ASAH1: variants seen among roughly 807,000 people sequenced by gnomAD.
ASAH1 encodes acid ceramidase.
Under a neutral mutation model 59.5 loss-of-function variants are expected in ASAH1, and 70 were observed. That is an observed-to-expected ratio of 1.18 (90% CI 0.97 to 1.43). The LOEUF (loss-of-function observed/expected upper bound fraction) is 1.43, where lower values mean the gene tolerates loss of function less well. Ranked by LOEUF, ASAH1 falls within the 40% of genes most tolerant of loss-of-function variation. The probability of loss-of-function intolerance (pLI) is 0.00; values close to 1 mark genes in which losing one functional copy is unlikely to be tolerated. For missense variants in ASAH1, 660 were observed against 482.5 expected (o/e 1.37, Z -3.45); for synonymous variants, 213 against 166.5 (o/e 1.28, Z -2.15).
Position 18,061,396 on chromosome 8 carries a change from C to T in ASAH1, c.766G>A (p.Val256Ile), listed in dbSNP as rs1799692820. 4 of 1,612,440 alleles carry T rather than the reference C, an allele frequency of 2.5e-6. No homozygotes were observed. The highest frequency in any genetic ancestry group is 3.4e-6 in the Non-Finnish European group (4 of 1,178,386). The change falls in exon 10 of 14, where the codon GTT becomes ATT. Residue 256 changes from valine to isoleucine, a missense_variant. Coordinates refer to ENST00000637790, the MANE Select transcript of ASAH1 (RefSeq NM_177924.5). ...CTTTACCTTGTGCTATTTTCCAGAA[C>T]TGTTCTAGTGAGGAACCCTATCCAC... ...VMWIGFLTRT[V>I]LENSTSYEEA...
chr8:18,072,845 A>C (rs7388380), intron 2 of ASAH1, among the ~76,000 whole-genome samples: 65,587 of 151,952 alleles, frequency 0.43, 15,056 homozygotes, highest in Admixed American at 0.53. Flanking sequence ...CCTGTTGGAG[A>C]TATGCATCTC....
At chr8:18,061,521 C>T in intron 9 of ASAH1, 63 bp from the exon 10 acceptor site, 1 of 1,484,238 alleles carries the variant, frequency 6.7e-7, no homozygotes, top group Admixed American at 1.7e-5. Context: ...CAGTCAGGAC[C>T]CGGAAGAGGC....
chr8:18,064,199 G>A (rs1799832155), intron 6 of ASAH1: 3 of 577,718 alleles, frequency 5.2e-6, no homozygotes, highest in Non-Finnish European at 9.2e-6. Flanking sequence ...ATGAGGAAGA[G>A]AAGAATGTTT....
At chr8:18,084,757 G>A (rs752360888), upstream of ASAH1, 1 of 1,613,766 alleles carries the variant, frequency 6.2e-7, no homozygotes, top group Non-Finnish European at 8.5e-7. Flanking sequence ...AGGAGGCCCG[G>A]TGGGACCCGC....
intron 10 of ASAH1, 48 bp downstream of exon 10, chr8:18,061,329 G>A (rs2117024595): frequency 7.0e-7 from 1 of 1,421,734 alleles, no homozygotes; most frequent in Non-Finnish European, 9.8e-7. Context: ...TTTTTAATAT[G>A]AGTAATTTAA....
At chr8:18,064,553 T>A (rs1184626475) in intron 5 of ASAH1, 22 bp from the exon 6 acceptor site, 4 of 1,350,844 alleles carry the variant, frequency 3.0e-6, no homozygotes, top group Non-Finnish European at 4.2e-6. Flanking sequence ...GAAAATTTTG[T>A]GTTAATATAC....
chr8:18,059,724 A>G (rs1799614451), intron 10 of ASAH1, 21 bp from the exon 11 acceptor site: 1 of 1,582,124 alleles, frequency 6.3e-7, no homozygotes, highest in Middle Eastern at 1.7e-4. Context: ...ACATTTAAAA[A>G]GAAAAATGAA....
chr8:18,071,215 A>T (rs1800155270), intron 3 of ASAH1, 85 bp downstream of exon 3: 1 of 793,802 alleles, frequency 1.3e-6, no homozygotes, highest in South Asian at 3.3e-5. Context: ...TCAAAACAAA[A>T]AAAAAATCAA....
At chr8:18,067,173 A>G (rs756677451) in intron 5 of ASAH1, 47 bp downstream of exon 5, 26 of 1,211,970 alleles carry the variant, frequency 2.1e-5, no homozygotes, top group South Asian at 1.3e-5. Context: ...GAAACTTGTA[A>G]AAGAATTTAA....
chr8:18,066,467 C>T (rs1799934182), intron 5 of ASAH1: 1 of 142,860 alleles, frequency 7.0e-6, no homozygotes, highest in African/African-American at 2.5e-5. Context: ...TCTCATTAAT[C>T]ATCAAGGAAA....
chr8:18,067,120 A>AAGACATACAGCACCTGTGCTGTATATCTT, intron 5 of ASAH1, 100 bp downstream of exon 5: 2 of 531,732 alleles, frequency 3.8e-6, no homozygotes, highest in Non-Finnish European at 5.2e-6. Flanking sequence ...CTGTATATCT[A>AAGACATACAGCACCTGTGCTGTATATCTT]AGACATACAG....
intron 1 of ASAH1, among the ~76,000 whole-genome samples, chr8:18,077,538 T>C (rs1261387439): frequency 6.6e-6 from 1 of 152,228 alleles, no homozygotes; most frequent in African/African-American, 2.4e-5. Flanking sequence ...CTAATAAATA[T>C]CAACAACTGA....
At chr8:18,064,305 A>T in intron 6 of ASAH1, 152 bp downstream of exon 6, 1 of 686,216 alleles carries the variant, frequency 1.5e-6, no homozygotes, top group Non-Finnish European at 2.5e-6. Flanking sequence ...TTTTCAGTAC[A>T]ATCACAAAAT....
intron 2 of ASAH1, among the ~76,000 whole-genome samples, chr8:18,073,955 A>G (rs1800282314): frequency 6.6e-6 from 1 of 152,244 alleles, no homozygotes; most frequent in Admixed American, 6.5e-5. Flanking sequence ...TGTGTTTTGG[A>G]GTACATATGT....
Position 18,057,517 on chromosome 8 carries a change from G to T in ASAH1, c.*17C>A, listed in dbSNP as rs753111968. ...CTTCATGTCTCAGAGGCCGCATTCT[G>T]TAGGCCAGACGTGTGCTCACCAACC... On this transcript the variant is annotated 3_prime_UTR_variant, in exon 14 of 14. Coordinates refer to ENST00000637790, the MANE Select transcript of ASAH1 (RefSeq NM_177924.5). 3.2e-6 allele frequency: 5 copies of T among 1,578,204 alleles called. No individual in the cohort carries two copies. The highest frequency in any genetic ancestry group is 4.3e-6 in the Non-Finnish European group (5 of 1,152,980).
chr8:18,067,094 G>GGCCTGTGC, intron 5 of ASAH1, 126 bp downstream of exon 5: 1 of 119,542 alleles, frequency 8.4e-6, no homozygotes, highest in Non-Finnish European at 2.9e-5. Context: ...GTATATCTAA[G>GGCCTGTGC]ACCTGTGCAC....
At chr8:18,069,703 G>A (rs1800076901) in intron 4 of ASAH1, 89 bp downstream of exon 4, 1 of 939,038 alleles carries the variant, frequency 1.1e-6, no homozygotes. Flanking sequence ...CCAAGTCCCT[G>A]CGAAGAGGTT....
chr8:18,072,492 G>A (rs1322673838), intron 2 of ASAH1, among the ~76,000 whole-genome samples: 1 of 141,014 alleles, frequency 7.1e-6, no homozygotes, highest in African/African-American at 2.5e-5. Flanking sequence ...AGACATTCAG[G>A]TTGTGATTTA....
At position 18,061,667 on chromosome 8, in the gene ASAH1, T is replaced by A. The variant is rs912246900; in HGVS notation, c.703+19A>T. 4.4e-6 allele frequency: 7 copies of A among 1,581,782 alleles called. No individual in the cohort carries two copies. Among genetic ancestry groups the A allele is most frequent in the Non-Finnish European group, 5.2e-6 (6 of 1,161,688 alleles). On this transcript the variant is annotated intron_variant, in intron 9 of 13. Transcript: ENST00000637790. ...AAAAGCTCTGAGATTCCCATTTCAC[T>A]TGAGAATGCTCTACTTACCCAGATA...
Sources: allele counts gnomAD v4.1 joint callset (sites outside exome capture counted in the v4.1 genomes callset), GRCh38; gene constraint gnomAD v4.1.1; transcripts MANE v1.5; gene names NCBI Gene and HGNC (gene_info 2026-07-23, HGNC 2026-07-21).